TGFBRAP1: variants seen among roughly 807,000 people sequenced by gnomAD.
The protein encoded by TGFBRAP1 is transforming growth factor-beta receptor-associated protein 1.
In TGFBRAP1, 20 loss-of-function variants were observed where a neutral mutation model predicts 83.2. That is an observed-to-expected ratio of 0.24 (90% CI 0.17 to 0.35). TGFBRAP1 has a LOEUF of 0.35. TGFBRAP1 is among the 10% of genes least tolerant of loss of function. The probability of loss-of-function intolerance (pLI) is 1.00; values close to 1 mark genes in which losing one functional copy is unlikely to be tolerated. For missense variants in TGFBRAP1, 950 were observed against 1,099.4 expected (o/e 0.86, Z 1.92); for synonymous variants, 415 against 459.8 (o/e 0.90, Z 1.25).
intron 1 of TGFBRAP1, among the ~76,000 whole-genome samples, chr2:105,314,264 T>C (rs111708974): frequency 0.047 from 6,956 of 148,792 alleles, 166 homozygotes; most frequent in Middle Eastern, 0.075. Context: ...TTTTTTTTTT[T>C]TTTTTTGAGA....
intron 6 of TGFBRAP1, among the ~76,000 whole-genome samples, chr2:105,280,142 G>A (rs1677482793): frequency 6.6e-6 from 1 of 152,106 alleles, no homozygotes; most frequent in African/African-American, 2.4e-5. Context: ...TTAAAGAATG[G>A]GAATGAGAAC....
At chr2:105,273,913 G>A (rs990191138) in intron 8 of TGFBRAP1, among the ~76,000 whole-genome samples, 2 of 152,118 alleles carry the variant, frequency 1.3e-5, no homozygotes, top group African/African-American at 4.8e-5. Flanking sequence ...ACTGTCAAAG[G>A]CCAGAGGGCA....
the TGFBRAP1 span, among the ~76,000 whole-genome samples, chr2:105,257,555 C>A: frequency 2.0e-5 from 3 of 152,116 alleles, no homozygotes; most frequent in Non-Finnish European, 4.4e-5. Flanking sequence ...GGCATAATGT[C>A]CTCAAGATTC....
intron 2 of TGFBRAP1, among the ~76,000 whole-genome samples, chr2:105,300,396 C>T (rs1371277406): frequency 1.3e-5 from 2 of 151,824 alleles, no homozygotes; most frequent in Non-Finnish European, 2.9e-5. Context: ...TCCCATCAAT[C>T]CTAACACTAC....
At chr2:105,268,148 C>T (rs566854411) in intron 11 of TGFBRAP1, among the ~76,000 whole-genome samples, 1 of 152,196 alleles carries the variant, frequency 6.6e-6, no homozygotes, top group Non-Finnish European at 1.5e-5. Context: ...ACACAATTCA[C>T]TCGTGTCAAC....
intron 5 of TGFBRAP1, among the ~76,000 whole-genome samples, chr2:105,281,432 C>T (rs1295099873): frequency 6.6e-6 from 1 of 152,146 alleles, no homozygotes; most frequent in African/African-American, 2.4e-5. Flanking sequence ...GGGGCCACCC[C>T]ACCCCAGACA....
Position 105,265,557 on chromosome 2 carries a change from A to T in TGFBRAP1, c.*1826T>A, listed in dbSNP as rs1288254143. On this transcript the variant is annotated 3_prime_UTR_variant, in exon 12 of 12. Transcript: ENST00000393359. ...TAAGCTTTTAATGGCGCAATGTTGC[A>T]TATACGGGTAACTTGTTCTTTGAGA... 1 of 152,664 alleles carries T rather than the reference A, an allele frequency of 6.6e-6. No homozygotes were observed. The highest frequency in any genetic ancestry group is 2.4e-5 in the African/African-American group (1 of 41,452). 9.5% of individuals were successfully genotyped at this position (152,664 alleles called of 1,614,324 possible). A position where few individuals can be genotyped will look rare whatever the true frequency, so the allele number is the denominator to read the frequency against.
the TGFBRAP1 span, among the ~76,000 whole-genome samples, chr2:105,259,155 A>G: frequency 6.6e-6 from 1 of 152,222 alleles, no homozygotes; most frequent in Non-Finnish European, 1.5e-5. Flanking sequence ...CGCCCAGGAC[A>G]CTGGCCTGCA....
At chr2:105,254,643 C>T in the TGFBRAP1 span, among the ~76,000 whole-genome samples, 1 of 152,006 alleles carries the variant, frequency 6.6e-6, no homozygotes, top group Non-Finnish European at 1.5e-5. Context: ...ATGCTTTCTG[C>T]CTGCCAGGCT....
At chr2:105,326,675 C>T (rs1177426104) in intron 1 of TGFBRAP1, among the ~76,000 whole-genome samples, 6 of 151,958 alleles carry the variant, frequency 3.9e-5, no homozygotes, top group African/African-American at 9.7e-5. Context: ...GCCGAGAACA[C>T]GACACTGTAC....
chr2:105,261,622 T>C (rs907257932), downstream of TGFBRAP1, among the ~76,000 whole-genome samples: 1 of 151,996 alleles, frequency 6.6e-6, no homozygotes, highest in Non-Finnish European at 1.5e-5. Flanking sequence ...CATGATGGCA[T>C]GTACCAGTAG....
chr2:105,273,708 A>G lies in TGFBRAP1; in HGVS notation c.1666-18T>C, dbSNP rs772188867. 2.0e-5 allele frequency: 32 copies of G among 1,612,124 alleles called. No individual in the cohort carries two copies. In the South Asian group the frequency reaches 3.3e-4, roughly 17 times the overall value. On this transcript the variant is annotated intron_variant, in intron 8 of 11. Transcript: ENST00000393359. ...ACTCCGACCTGAAAGAGGAGCGACA[A>G]TACAGTGACTGTGCTTCCCAAACCC... is the stretch of plus-strand genomic sequence containing the variant.
At chr2:105,315,666 C>T (rs565760887) in intron 1 of TGFBRAP1, among the ~76,000 whole-genome samples, 1 of 152,124 alleles carries the variant, frequency 6.6e-6, no homozygotes, top group Non-Finnish European at 1.5e-5. Flanking sequence ...CACTTCACAC[C>T]TACTAGAAGA....
intron 5 of TGFBRAP1, among the ~76,000 whole-genome samples, chr2:105,283,773 G>A (rs986702744): frequency 5.3e-5 from 8 of 152,168 alleles, no homozygotes; most frequent in African/African-American, 1.9e-4. Flanking sequence ...AAGCACATCC[G>A]ACAAGCACAA....
intron 5 of TGFBRAP1, among the ~76,000 whole-genome samples, chr2:105,281,971 T>C (rs1227061743): frequency 6.6e-6 from 1 of 152,106 alleles, no homozygotes; most frequent in Non-Finnish European, 1.5e-5. Flanking sequence ...GCCCAAAGAA[T>C]TATCTGGCTC....
At position 105,296,528 on chromosome 2, in the gene TGFBRAP1, A is replaced by C. The variant is rs746766818; in HGVS notation, c.884-18T>G. ...CACTCTTCCTGTGAAGAAATTCAGC[A>C]TTGTTGGAAAGAGAAAAAACACACT... On this transcript the variant is annotated intron_variant, in intron 3 of 11. Coordinates refer to ENST00000393359, the MANE Select transcript of TGFBRAP1 (RefSeq NM_004257.6). 3.1e-6 allele frequency: 5 copies of C among 1,600,156 alleles called. No individual in the cohort carries two copies. Among genetic ancestry groups the C allele is most frequent in the Non-Finnish European group, 4.3e-6 (5 of 1,174,408 alleles).
In TGFBRAP1 at chr2:105,269,977, A is replaced by C. The variant is rs900519441; in HGVS notation, c.1973-272T>G. Reference sequence around the variant, plus strand: ...TCTCTAGTGTTCAGAGGATGAAAAGAACAAATGAACCACAACTACAGAAAG... The same window carrying C: ...TCTCTAGTGTTCAGAGGATGAAAAGCACAAATGAACCACAACTACAGAAAG... On this transcript the variant is annotated intron_variant, in intron 10 of 11. Transcript: ENST00000393359. The surrounding 1 kb of genome is among the most constrained non-coding windows in gnomAD (Gnocchi z 4.1). Among the ~76,000 whole-genome samples the C allele has an allele frequency of 3.9e-5, 6 of 152,208 alleles. No homozygotes were observed. The highest frequency in any genetic ancestry group is 7.2e-5 in the African/African-American group (3 of 41,444).
intron 1 of TGFBRAP1, among the ~76,000 whole-genome samples, chr2:105,320,093 C>T (rs1217434567): frequency 6.6e-6 from 1 of 152,110 alleles, no homozygotes; most frequent in Non-Finnish European, 1.5e-5. Context: ...TTGTTATCTG[C>T]TCTACCAAAT....
rs1677072623 is a variant in TGFBRAP1 at position 105,269,503 on chromosome 2, A to G, written c.2175T>C (p.His725=). The change falls in exon 11 of 12, where the codon CAT becomes CAC. Residue 725 remains histidine, a synonymous_variant. Coordinates refer to ENST00000393359, the MANE Select transcript of TGFBRAP1 (RefSeq NM_004257.6). This position sits in a 1 kb window ranked among gnomAD's most constrained non-coding sequence, Gnocchi z 4.1. ...CCAGCTCGTGGGCAGTGGGGCCAGCATGCAGGTAGATGGCCAGCAGCGTGT... is the reference window on the plus strand; with the variant it reads ...CCAGCTCGTGGGCAGTGGGGCCAGCGTGCAGGTAGATGGCCAGCAGCGTGT... The part of the protein sequence containing the change: ...LFHTLLAIYL[H]AGPTAHELAV... 1 of 1,613,188 alleles carries G rather than the reference A, an allele frequency of 6.2e-7. No individual in the cohort carries two copies. The highest frequency in any genetic ancestry group is 1.7e-5 in the Admixed American group (1 of 59,938).
Sources: allele counts gnomAD v4.1 joint callset (sites outside exome capture counted in the v4.1 genomes callset), GRCh38; gene constraint gnomAD v4.1.1; non-coding constraint Gnocchi (gnomAD v3.1); transcripts MANE v1.5; gene names NCBI Gene and HGNC (gene_info 2026-07-23, HGNC 2026-07-21).